Variants in ITLN1 observed in about 807,000 individuals in gnomAD.
ITLN1 encodes intelectin-1.
A neutral mutation model predicts 36.2 loss-of-function variants in ITLN1; 29 were observed. The ratio of observed to expected loss-of-function variants is 0.80; its 90% CI spans 0.60 to 1.09. ITLN1 has a LOEUF of 1.09. Ranked by LOEUF, ITLN1 falls within the 50% of genes least tolerant of loss-of-function variation. ITLN1 has a pLI of 0.00. For synonymous variants in ITLN1, 143 were observed against 146.5 expected, an observed-to-expected ratio of 0.98 and a Z score of 0.17; for missense variants, 358 against 405.2, an observed-to-expected ratio of 0.88 and a Z score of 1.00.
At chr1:160,880,222 T>C (rs147353690) in intron 6 of ITLN1, among the ~76,000 whole-genome samples, 2,079 of 152,088 alleles carry the variant, frequency 0.014, 49 homozygotes, top group African/African-American at 0.045. Context: ...GGAGAATCAT[T>C]TGAACCTGGG....
intron 5 of ITLN1, among the ~76,000 whole-genome samples, 190 bp downstream of exon 5, chr1:160,880,964 C>A (rs1489795260): frequency 6.6e-6 from 1 of 152,222 alleles, no homozygotes; most frequent in Non-Finnish European, 1.5e-5. Context: ...CCTGCCCCAG[C>A]TGTCCTCTCC....
intron 7 of ITLN1, 147 bp downstream of exon 7, chr1:160,879,164 G>A: frequency 5.9e-6 from 4 of 679,656 alleles, no homozygotes. Flanking sequence ...GGCCCCTGAA[G>A]CTCAGCAATG....
chr1:160,877,222 G>T (rs1670603231), intron 7 of ITLN1, among the ~76,000 whole-genome samples: 1 of 151,184 alleles, frequency 6.6e-6, no homozygotes, highest in African/African-American at 2.4e-5. Context: ...GGGTGACAGA[G>T]TAAGACCCTG....
At chr1:160,880,954 C>T (rs1269523571) in intron 5 of ITLN1, among the ~76,000 whole-genome samples, 200 bp downstream of exon 5, 2 of 152,220 alleles carry the variant, frequency 1.3e-5, no homozygotes, top group Non-Finnish European at 2.9e-5. Context: ...CCACACTCTT[C>T]CTGCCCCAGC....
chr1:160,881,447 C>T, intron 4 of ITLN1, 135 bp from the exon 5 acceptor site: 1 of 954,178 alleles, frequency 1.0e-6, no homozygotes, highest in African/African-American at 1.7e-5. Context: ...CTCAGACACC[C>T]CACTCCCAGC....
At chr1:160,884,989 G>A (rs1670736024) in intron 1 of ITLN1, 72 bp downstream of exon 1, 2 of 694,820 alleles carry the variant, frequency 2.9e-6, no homozygotes, top group East Asian at 2.5e-5. Context: ...CTTGCCTTTT[G>A]TTTAAACTTC....
intron 3 of ITLN1, 103 bp from the exon 4 acceptor site, chr1:160,882,307 C>T: frequency 1.4e-6 from 2 of 1,444,502 alleles, no homozygotes; most frequent in Non-Finnish European, 1.9e-6. Flanking sequence ...GGCCTAAAGG[C>T]TCCTGTCCTG....
In ITLN1 at chr1:160,882,131, G is replaced by A. The variant is rs142720493; in HGVS notation, c.231C>T (p.Gly77=). 7.7e-5 allele frequency: 124 copies of A among 1,613,252 alleles called. No homozygotes were observed. Among genetic ancestry groups the A allele is most frequent in the East Asian group, 4.0e-4 (18 of 44,890 alleles). Residue 77 remains glycine (G), a synonymous_variant, in exon 4 of 8, where the codon GGC becomes GGT. Coordinates refer to ENST00000326245, the MANE Select transcript of ITLN1 (RefSeq NM_017625.3). ...GCACGCTGGCCACCAGGGTCCAGCC[G>A]CCACCCCCAGAGGTCATGTCACAGA... ...QTFCDMTSGG[G]GWTLVASVHE...
Position 160,876,719 on chromosome 1 carries a change from C to G in ITLN1, c.887G>C (p.Gly296Ala), listed in dbSNP as rs1259389444. 2 of 1,614,106 alleles carry G rather than the reference C, an allele frequency of 1.2e-6. No homozygotes were observed. Among genetic ancestry groups the G allele is most frequent in the Non-Finnish European group, 1.7e-6 (2 of 1,180,042 alleles). Residue 296 changes from glycine to alanine, a missense_variant, in exon 8 of 8, where the codon GGT becomes GCT. Transcript: ENST00000326245. ...AGTTATCTCACGGCTGCTGCTGTAA[C>G]CAACATGAGTTCCATATCCACTCCA... ...FDWSGYGTHV[G>A]YSSSREITEA...
At position 160,882,019 on chromosome 1, in the gene ITLN1, C is replaced by A; in HGVS notation, c.343G>T (p.Gly115Cys). 1 of 1,614,064 alleles carries A rather than the reference C, an allele frequency of 6.2e-7. No individual in the cohort carries two copies. Among genetic ancestry groups the A allele is most frequent in the Non-Finnish European group, 8.5e-7 (1 of 1,180,018 alleles). The stretch of plus-strand genomic sequence containing the variant: ...AAGGTGTTGTAGTTGGCCCAGTTGC[C>A]GTCCCCCTCTGGGTAGACTGCTTTG... ...GSKAVYPEGDGNWANYNTFGS... is the reference protein window; with the variant it reads ...GSKAVYPEGDCNWANYNTFGS... Residue 115 changes from glycine to cysteine, a missense_variant, in exon 4 of 8, where the codon GGC (glycine) becomes TGC (cysteine). Gly to Cys is a radical substitution (Grantham distance 159, BLOSUM62 -3). Coordinates refer to ENST00000326245, the MANE Select transcript of ITLN1 (RefSeq NM_017625.3).
intron 3 of ITLN1, 114 bp from the exon 4 acceptor site, chr1:160,882,318 A>C (rs1190803788): frequency 1.0e-5 from 14 of 1,354,808 alleles, no homozygotes; most frequent in Non-Finnish European, 1.1e-5. Flanking sequence ...TCCTGTCCTG[A>C]CTCACATCAC....
rs1305664591 is a variant in ITLN1, at chr1:160,879,306, C to T, written c.789+5G>A. ...CAGGTCCCTGCAGTCCCCACAGAGA[C>T]TCACGTGCTCAGTGTTACATCCGGT... On this transcript the variant is annotated splice_donor_5th_base_variant and intron_variant, in intron 7 of 7. Transcript: ENST00000326245. The T allele has an allele frequency of 1.2e-6, 2 of 1,609,994 alleles. No individual in the cohort carries two copies. Among genetic ancestry groups the T allele is most frequent in the South Asian group, 1.1e-5 (1 of 91,006 alleles).
At chr1:160,879,952 G>T (rs1441723678) in intron 6 of ITLN1, among the ~76,000 whole-genome samples, 1 of 152,136 alleles carries the variant, frequency 6.6e-6, no homozygotes, top group African/African-American at 2.4e-5. Flanking sequence ...CATGGACCTG[G>T]CCTGGTCCTA....
At position 160,884,716 on chromosome 1, in the gene ITLN1, C is replaced by A. The variant is rs1670729733; in HGVS notation, c.58+104G>T. 3.9e-6 allele frequency: 3 copies of A among 776,700 alleles called. No homozygotes were observed. The Admixed American group carries it at 6.3e-5, about 16-fold the overall frequency. 48.1% of individuals were successfully genotyped at this position (776,700 alleles called of 1,614,324 possible). A position where few individuals can be genotyped will look rare whatever the true frequency, so the allele number is the denominator to read the frequency against. ...AATCGGCACTCAGTCTACATGCAAG[C>A]CAGCCGCTGTGCATCTCAAGGACAT... On this transcript the variant is annotated intron_variant, in intron 2 of 7. Coordinates refer to ENST00000326245, the MANE Select transcript of ITLN1 (RefSeq NM_017625.3).
At position 160,876,770 on chromosome 1, in the gene ITLN1, T is replaced by G. The variant is rs747218186; in HGVS notation, c.836A>C (p.Gln279Pro). 1 of 1,614,198 alleles carries G rather than the reference T, an allele frequency of 6.2e-7. No individual in the cohort carries two copies. The highest frequency in any genetic ancestry group is 8.5e-7 in the Non-Finnish European group (1 of 1,180,032). The change falls in exon 8 of 8, where the codon CAG (glutamine) becomes CCG (proline). Residue 279 changes from glutamine to proline, a missense_variant. Gln to Pro is a moderately conservative substitution (Grantham distance 76, BLOSUM62 -1). Coordinates refer to ENST00000326245, the MANE Select transcript of ITLN1 (RefSeq NM_017625.3). ...ATCAAAACCAGAAAAATCTCCACAC[T>G]GCTGGGGACTGGCCTCTGGAAAGTA... is the stretch of plus-strand genomic sequence containing the variant. ...GGYFPEASPQ[Q>P]CGDFSGFDWS... is the part of the protein sequence containing the mutation.
chr1:160,883,503 C>T lies in ITLN1; in HGVS notation c.82G>A (p.Glu28Lys), dbSNP rs148429593. The change falls in exon 3 of 8, where the codon GAA (glutamate) becomes AAA (lysine). Residue 28 changes from glutamate (E) to lysine (K), a missense_variant. Transcript: ENST00000326245. ...GATGGAGACGAAGAACAGGTCCATT[C>T]CTTGAAGTAAGTATTAGCCTCATCT... ...STDEANTYFK[E>K]WTCSSSPSLP... is the part of the protein sequence containing the mutation. 6.2e-7 allele frequency: 1 copy of T among 1,612,796 alleles called. No homozygotes were observed. The highest frequency in any genetic ancestry group is 8.5e-7 in the Non-Finnish European group (1 of 1,178,952).
rs1267892581 is a variant in ITLN1 at position 160,881,093 on chromosome 1, C to T, written c.564+61G>A. ...CATTAAAAAATGACTCCTGCCCAAC[C>T]TCTAACACTTGCTTCTCTGTACACC... On this transcript the variant is annotated intron_variant, in intron 5 of 7. Transcript: ENST00000326245. 10 of 1,514,426 alleles carry T rather than the reference C, an allele frequency of 6.6e-6. No individual in the cohort carries two copies. The Admixed American group carries it at 1.5e-4, about 23-fold the overall frequency. 93.8% of individuals were successfully genotyped at this position (1,514,426 alleles called of 1,614,324 possible).
chr1:160,879,068 T>TAA lies in ITLN1; in HGVS notation c.789+241_789+242dup, dbSNP rs1227847286. Among the ~76,000 whole-genome samples, 5 of 152,140 alleles carry TAA rather than the reference T, an allele frequency of 3.3e-5. No individual in the cohort carries two copies. In the East Asian group the frequency reaches 9.6e-4, roughly 29 times the overall value. On this transcript the variant is annotated intron_variant, in intron 7 of 7. Coordinates refer to ENST00000326245, the MANE Select transcript of ITLN1 (RefSeq NM_017625.3). The stretch of plus-strand genomic sequence containing the variant: ...TTTCTCACAAAGGCTGAACACCCAG[T>TAA]AATGGTTCTTTTGAAGCCTCACCCC...
intron 7 of ITLN1, among the ~76,000 whole-genome samples, chr1:160,877,693 T>G (rs950672403): frequency 1.3e-5 from 2 of 152,252 alleles, no homozygotes; most frequent in Non-Finnish European, 2.9e-5. Flanking sequence ...ACTGGTGACA[T>G]GGTTTGGACC....
Sources: allele counts gnomAD v4.1 joint callset (sites outside exome capture counted in the v4.1 genomes callset), GRCh38; gene constraint gnomAD v4.1.1; transcripts MANE v1.5; gene names NCBI Gene and HGNC (gene_info 2026-07-23, HGNC 2026-07-21).